TCF7L2: variants seen among roughly 807,000 people sequenced by gnomAD.
The protein encoded by TCF7L2 is transcription factor 7-like 2.
Under a neutral mutation model 77.9 loss-of-function variants are expected in TCF7L2, and 23 were observed. The ratio of observed to expected loss-of-function variants is 0.30; its 90% CI spans 0.21 to 0.42. The LOEUF (loss-of-function observed/expected upper bound fraction) is 0.42, where lower values mean the gene tolerates loss of function less well. TCF7L2 is among the 10% of genes least tolerant of loss of function. The pLI is 1.00. For synonymous variants in TCF7L2, 413 were observed against 340.2 expected (o/e 1.21, Z -2.36); for missense variants, 654 against 793.1 (o/e 0.82, Z 2.11).
chr10:113,038,527 A>G (rs1365210648), intron 4 of TCF7L2, among the ~76,000 whole-genome samples: 1 of 151,714 alleles, frequency 6.6e-6, no homozygotes, highest in Non-Finnish European at 1.5e-5. Flanking sequence ...TCTTCGAGGA[A>G]CTCCGTCGGC....
intron 5 of TCF7L2, among the ~76,000 whole-genome samples, chr10:113,044,931 G>T (rs1423948844): frequency 1.3e-5 from 2 of 152,142 alleles, no homozygotes; most frequent in Non-Finnish European, 2.9e-5. Context: ...GTAGGAGCGT[G>T]TGTTAAGCTG....
At chr10:113,121,914 T>C (rs1180543433) in intron 5 of TCF7L2, among the ~76,000 whole-genome samples, 1 of 152,208 alleles carries the variant, frequency 6.6e-6, no homozygotes, top group Non-Finnish European at 1.5e-5. Context: ...CCATATTGAT[T>C]GAAGAAAATA....
chr10:112,999,808 A>G (rs1210926375), intron 4 of TCF7L2, among the ~76,000 whole-genome samples: 3 of 152,172 alleles, frequency 2.0e-5, no homozygotes, highest in Admixed American at 1.3e-4. Flanking sequence ...TTGTCTATCA[A>G]TACCCCTGTC....
intron 5 of TCF7L2, among the ~76,000 whole-genome samples, chr10:113,135,790 C>CT (rs2067301998): frequency 6.6e-6 from 1 of 152,152 alleles, no homozygotes; most frequent in Non-Finnish European, 1.5e-5. Context: ...GGCATTGTGG[C>CT]TAAGGCAGGG....
chr10:112,977,685 ATT>A, intron 4 of TCF7L2, among the ~76,000 whole-genome samples: 1 of 152,226 alleles, frequency 6.6e-6, no homozygotes, highest in African/African-American at 2.4e-5. Context: ...GCTGTGTTTA[ATT>A]CATTTGGACC....
chr10:113,156,452 C>T (rs893269589), intron 11 of TCF7L2, among the ~76,000 whole-genome samples: 1 of 152,182 alleles, frequency 6.6e-6, no homozygotes, highest in African/African-American at 2.4e-5. Context: ...TTTTTCTCTT[C>T]CGAGTTGACA....
intron 5 of TCF7L2, among the ~76,000 whole-genome samples, chr10:113,135,573 A>G (rs988058599): frequency 1.2e-4 from 18 of 152,272 alleles, no homozygotes; most frequent in East Asian, 7.7e-4. Flanking sequence ...TCGGCTTTTT[A>G]GTAGACTTTT....
At chr10:113,126,195 A>G (rs1204746625) in intron 5 of TCF7L2, 3 of 151,410 alleles carry the variant, frequency 2.0e-5, no homozygotes, top group Non-Finnish European at 4.4e-5. Context: ...TTAATGATCT[A>G]TATTGGTTTT....
At chr10:113,021,051 C>T (rs576074205) in intron 4 of TCF7L2, among the ~76,000 whole-genome samples, 2 of 152,228 alleles carry the variant, frequency 1.3e-5, no homozygotes, top group South Asian at 2.1e-4. Flanking sequence ...GCATAATGCC[C>T]GGCAAAGTGC....
intron 4 of TCF7L2, among the ~76,000 whole-genome samples, chr10:113,035,275 GT>G (rs2050979859): frequency 6.6e-6 from 1 of 152,120 alleles, no homozygotes; most frequent in African/African-American, 2.4e-5. Context: ...GCATGCCTGT[GT>G]TGGGCTGTTT....
chr10:112,969,249 C>T (rs1025328917), intron 4 of TCF7L2, among the ~76,000 whole-genome samples: 30 of 152,218 alleles, frequency 2.0e-4, no homozygotes, highest in African/African-American at 7.2e-4. Context: ...ATAGAATGTA[C>T]TGTTTCATGT....
intron 5 of TCF7L2, among the ~76,000 whole-genome samples, chr10:113,069,779 T>C (rs771757915): frequency 2.0e-5 from 3 of 152,168 alleles, no homozygotes; most frequent in Non-Finnish European, 4.4e-5. Context: ...CGTGTCTGCT[T>C]GGTACAGTTG....
chr10:113,095,587 T>C (rs925915699), intron 5 of TCF7L2, among the ~76,000 whole-genome samples: 1 of 152,150 alleles, frequency 6.6e-6, no homozygotes, highest in Non-Finnish European at 1.5e-5. Flanking sequence ...GTAGTCCCAC[T>C]CTACTTATCA....
chr10:113,140,252 A>G (rs976731254), intron 5 of TCF7L2, among the ~76,000 whole-genome samples: 8 of 152,026 alleles, frequency 5.3e-5, no homozygotes, highest in Non-Finnish European at 1.0e-4. Flanking sequence ...GGAGGGGTGG[A>G]CTGAGCGGGA....
intron 12 of TCF7L2, 65 bp downstream of exon 13, chr10:113,158,782 ATAGTTT>A (rs1031895900): frequency 2.6e-6 from 4 of 1,525,556 alleles, no homozygotes; most frequent in Non-Finnish European, 3.6e-6. Context: ...TCTTGCCATT[ATAGTTT>A]TATTAACATT....
At chr10:113,107,675 GGAGCTTACAGC>G (rs1303868096) in intron 5 of TCF7L2, among the ~76,000 whole-genome samples, 14 of 144,224 alleles carry the variant, frequency 9.7e-5, no homozygotes, top group Admixed American at 3.6e-4. Context: ...CCCGGGAGGC[GGAGCTTACAGC>G]GAGCTTGCAG....
intron 5 of TCF7L2, among the ~76,000 whole-genome samples, chr10:113,094,189 C>T (rs2060692764): frequency 6.6e-6 from 1 of 152,196 alleles, no homozygotes; most frequent in Non-Finnish European, 1.5e-5. Flanking sequence ...GAGACTTCCG[C>T]TAAATTTGCC....
intron 4 of TCF7L2, among the ~76,000 whole-genome samples, chr10:113,038,647 A>C (rs2051826207): frequency 6.6e-6 from 1 of 152,058 alleles, no homozygotes; most frequent in Non-Finnish European, 1.5e-5. Context: ...TGTTCTGACC[A>C]TCAAGACCTA....
At chr10:113,053,980 A>T (rs2054909243) in intron 5 of TCF7L2, among the ~76,000 whole-genome samples, 1 of 151,988 alleles carries the variant, frequency 6.6e-6, no homozygotes, top group Non-Finnish European at 1.5e-5. Flanking sequence ...ATGCTGCCTT[A>T]ATCAGGCACA....
Sources: gnomAD v4.1 joint callset for allele counts (sites outside exome capture counted in the v4.1 genomes callset) on GRCh38, gnomAD v4.1.1 for gene constraint, MANE v1.5 for transcripts, NCBI Gene and HGNC (gene_info 2026-07-23, HGNC 2026-07-21) for gene names.